Variants in HELLS observed in about 807,000 individuals in gnomAD.
HELLS encodes the protein helicase, lymphoid specific.
In HELLS, 32 loss-of-function variants were observed where a neutral mutation model predicts 120.0. The observed-to-expected ratio is 0.27, with a 90% CI of 0.20 to 0.36. The LOEUF (loss-of-function observed/expected upper bound fraction) is 0.36, where lower values mean the gene tolerates loss of function less well. HELLS is among the 10% of genes least tolerant of loss of function. The probability of loss-of-function intolerance (pLI) is 1.00; values close to 1 mark genes in which losing one functional copy is unlikely to be tolerated. For synonymous variants in HELLS, 341 were observed against 323.4 expected (o/e 1.05, Z -0.58); for missense variants, 650 against 993.4 (o/e 0.65, Z 4.65).
chr10:94,559,658 C>T (rs1843449809), intron 4 of HELLS, among the ~76,000 whole-genome samples: 1 of 151,594 alleles, frequency 6.6e-6, no homozygotes, highest in Non-Finnish European at 1.5e-5. Flanking sequence ...ATTGGGTGGG[C>T]TGGTTTCGAA....
chr10:94,567,992 C>T (rs1178934254), intron 6 of HELLS, among the ~76,000 whole-genome samples: 1 of 149,894 alleles, frequency 6.7e-6, no homozygotes, highest in Non-Finnish European at 1.5e-5. Flanking sequence ...TCACTGCAAC[C>T]TCCGCCTCCC....
chr10:94,608,395 A>G (rs569356566), intron 9 of HELLS, among the ~76,000 whole-genome samples: 1 of 152,222 alleles, frequency 6.6e-6, no homozygotes, highest in African/African-American at 2.4e-5. Context: ...ATTCTTCTAT[A>G]TCCTTCACTG....
intron 6 of HELLS, among the ~76,000 whole-genome samples, chr10:94,566,502 C>T (rs558443073): frequency 2.0e-5 from 3 of 152,116 alleles, no homozygotes; most frequent in South Asian, 2.1e-4. Context: ...ATGAAGCTGT[C>T]GATGTAAGCA....
intron 19 of HELLS, among the ~76,000 whole-genome samples, chr10:94,596,588 CTGT>C (rs200180588): frequency 0.012 from 1,812 of 152,116 alleles, 54 homozygotes; most frequent in African/African-American, 0.042. Context: ...TAAGTTGGTC[CTGT>C]ACAAGTCTTT....
At chr10:94,596,798 T>C in intron 19 of HELLS, 62 bp from the exon 20 acceptor site, 1 of 853,728 alleles carries the variant, frequency 1.2e-6, no homozygotes, top group South Asian at 1.5e-5. Context: ...GATTGGTTTG[T>C]AATATGTTGT....
chr10:94,554,644 G>GTTTTTTTTTTTTTTTTTTT, intron 3 of HELLS, among the ~76,000 whole-genome samples: 1 of 103,072 alleles, frequency 9.7e-6, no homozygotes. Context: ...AAGTAATAGT[G>GTTTTTTTTTTTTTTTTTTT]TTTTTTTTTT....
intron 2 of HELLS, among the ~76,000 whole-genome samples, chr10:94,548,552 T>G (rs1842843002): frequency 1.3e-5 from 2 of 152,242 alleles, no homozygotes; most frequent in Admixed American, 1.3e-4. Context: ...TGTAGTATTT[T>G]ATATATTTGC....
Position 94,574,613 on chromosome 10 carries a change from A to G in HELLS, c.765A>G (p.Thr255=). 6.2e-7 allele frequency: 1 copy of G among 1,613,630 alleles called. No homozygotes were observed. The highest frequency in any genetic ancestry group is 1.1e-5 in the South Asian group (1 of 91,058). Residue 255 remains threonine, a synonymous_variant, in exon 9 of 22, where the codon ACA becomes ACG. Transcript: ENST00000348459. ...CAGATGAAATGGGATTGGGTAAGAC[A>G]GTTCAGTGCATTGCTACTATTGCAT... is the stretch of plus-strand genomic sequence containing the variant. ...ILADEMGLGK[T]VQCIATIALM... is the part of the protein sequence containing the mutation.
downstream of HELLS, among the ~76,000 whole-genome samples, chr10:94,604,535 C>G (rs939675188): frequency 5.1e-5 from 7 of 136,760 alleles, no homozygotes; most frequent in Admixed American, 2.5e-4. Flanking sequence ...TCTTCAGATG[C>G]CTTGGGATCA....
chr10:94,558,679 G>C (rs190131758), intron 4 of HELLS, among the ~76,000 whole-genome samples: 1 of 152,034 alleles, frequency 6.6e-6, no homozygotes, highest in Non-Finnish European at 1.5e-5. Flanking sequence ...TCGGCTCACT[G>C]CAAGCTCTGC....
intron 3 of HELLS, among the ~76,000 whole-genome samples, chr10:94,556,282 G>C (rs563702899): frequency 1.3e-5 from 2 of 152,280 alleles, no homozygotes; most frequent in East Asian, 3.9e-4. Flanking sequence ...GTTGATTGTT[G>C]AGTGTGTAGG....
chr10:94,553,294 G>A (rs1843074800), intron 2 of HELLS, among the ~76,000 whole-genome samples: 1 of 151,550 alleles, frequency 6.6e-6, no homozygotes, highest in Non-Finnish European at 1.5e-5. Context: ...TGTCACCCAG[G>A]CTGGAGTGCA....
rs1589713860 is a variant in HELLS, at chr10:94,561,884, A to ATTCCTTCAATACCCTACCTATTGAAGGG, written c.334-806_334-805insTCCTTCAATACCCTACCTATTGAAGGGT. On this transcript the variant is annotated intron_variant, in intron 4 of 21. Coordinates refer to ENST00000348459, the MANE Select transcript of HELLS (RefSeq NM_018063.5). ...AATGTATGAATTTCATTCACAATGA[A>ATTCCTTCAATACCCTACCTATTGAAGGG]TATTCCTTCAATACCCTACCTATTG... 3.9e-5 allele frequency among the ~76,000 whole-genome samples: 6 copies of ATTCCTTCAATACCCTACCTATTGAAGGG among 152,030 alleles called. No homozygotes were observed. In the East Asian group the frequency reaches 1.2e-3, roughly 30 times the overall value.
chr10:94,584,075 A>C, intron 12 of HELLS: 1 of 1,385,010 alleles, frequency 7.2e-7, no homozygotes, highest in Non-Finnish European at 9.7e-7. Flanking sequence ...TTTATATGAT[A>C]TACGTCCATA....
intron 4 of HELLS, among the ~76,000 whole-genome samples, chr10:94,559,947 T>C (rs567108151): frequency 6.6e-6 from 1 of 152,338 alleles, no homozygotes; most frequent in South Asian, 2.1e-4. Flanking sequence ...TAATGAGAGC[T>C]GACTCTAATT....
Position 94,588,393 on chromosome 10 carries a change from A to G in HELLS, c.1488+3A>G. ...CAAACATGTTTGGATCCAGTGAGGTATAGTGGTTTTGAAATGTACTGTAAA... is the reference window on the plus strand; with the variant it reads ...CAAACATGTTTGGATCCAGTGAGGTGTAGTGGTTTTGAAATGTACTGTAAA... On this transcript the variant is annotated splice_donor_region_variant and intron_variant, in intron 13 of 21. Transcript: ENST00000348459. The G allele has an allele frequency of 1.3e-6, 2 of 1,571,952 alleles. No individual in the cohort carries two copies. The highest frequency in any genetic ancestry group is 1.7e-6 in the Non-Finnish European group (2 of 1,161,174).
intron 2 of HELLS, among the ~76,000 whole-genome samples, chr10:94,548,153 T>G (rs1842827118): frequency 6.6e-6 from 1 of 152,220 alleles, no homozygotes; most frequent in Non-Finnish European, 1.5e-5. Context: ...TTTGTTTTTG[T>G]AGGCTTTGCA....
chr10:94,585,823 T>C (rs2134092130), intron 12 of HELLS, among the ~76,000 whole-genome samples: 1 of 152,234 alleles, frequency 6.6e-6, no homozygotes, highest in South Asian at 2.1e-4. Context: ...TCCTCCTGCC[T>C]CAGCCTTCTG....
downstream of HELLS, among the ~76,000 whole-genome samples, chr10:94,605,084 C>CCT (rs1846114852): frequency 9.6e-6 from 1 of 104,232 alleles, no homozygotes; most frequent in Non-Finnish European, 2.0e-5. Flanking sequence ...CCCCCCCCCC[C>CCT]CTTTTTTTTT....
Sources: allele counts gnomAD v4.1 joint callset (sites outside exome capture counted in the v4.1 genomes callset), GRCh38; gene constraint gnomAD v4.1.1; transcripts MANE v1.5; gene names NCBI Gene and HGNC (gene_info 2026-07-23, HGNC 2026-07-21).